RSRP1: variants seen among roughly 807,000 people sequenced by gnomAD.
RSRP1 encodes arginine and serine rich protein 1.
RSRP1 carries 37 observed loss-of-function variants against 33.0 expected under a neutral mutation model. That is an observed-to-expected ratio of 1.12 (90% CI 0.86 to 1.48). RSRP1 has a LOEUF of 1.48. RSRP1 is among the 40% of genes most tolerant of loss of function. The pLI is 0.00. For synonymous variants in RSRP1, 167 were observed against 158.7 expected (o/e 1.05, Z -0.40); for missense variants, 402 against 385.3 (o/e 1.04, Z -0.36).
intron 1 of RSRP1, chr1:25,272,591 T>G: frequency 6.3e-7 from 1 of 1,583,894 alleles, no homozygotes; most frequent in Non-Finnish European, 8.6e-7. Flanking sequence ...TGCCTGCCCC[T>G]CTGGGCCCTA....
At position 25,315,116 on chromosome 1, in the gene RSRP1, A is replaced by G. The variant is rs1644368830; in HGVS notation, c.-67+22862T>C. On this transcript the variant is annotated intron_variant, in intron 1 of 1. Transcript: ENST00000561867. Reference sequence around the variant, plus strand: ...CTACTCGGGAGGCTGAGATCACGCCACTGCACTCCAGCCTGGTGACACAGC... The same window carrying G: ...CTACTCGGGAGGCTGAGATCACGCCGCTGCACTCCAGCCTGGTGACACAGC... Among the ~76,000 whole-genome samples, 2 of 129,216 alleles carry G rather than the reference A, an allele frequency of 1.5e-5. 1 individual carries two copies. Among genetic ancestry groups the G allele is most frequent in the South Asian group, 4.8e-4 (2 of 4,182 alleles). The allele number at this position is 129,216 out of a possible 152,430, so 84.8% of individuals were successfully genotyped here. A position where few individuals can be genotyped will look rare whatever the true frequency, so the allele number is the denominator to read the frequency against.
chr1:25,270,656 A>C (rs914023209), intron 1 of RSRP1, among the ~76,000 whole-genome samples: 3 of 132,184 alleles, frequency 2.3e-5, no homozygotes, highest in African/African-American at 7.8e-5. Context: ...TTAAGTGGTC[A>C]AACACCCAGG....
Position 25,334,401 on chromosome 1 carries a change from G to A in RSRP1, c.-67+3577C>T, listed in dbSNP as rs571843248. ...AGCTCTGCCCCTGTACCTTTGCAGG[G>A]TACAGCCTCCCTCTCAGCTGCTTTC... On this transcript the variant is annotated intron_variant, in intron 1 of 1. Transcript: ENST00000561867. 3.5e-4 allele frequency among the ~76,000 whole-genome samples: 46 copies of A among 132,254 alleles called. 1 individual carries two copies. In the East Asian group the frequency reaches 8.6e-3, roughly 25 times the overall value. The allele number at this position is 132,254 out of a possible 152,430, so 86.8% of individuals were successfully genotyped here. A position where few individuals can be genotyped will look rare whatever the true frequency, so the allele number is the denominator to read the frequency against.
chr1:25,310,162 G>C lies in RSRP1; in HGVS notation c.-67+27816C>G, dbSNP rs1198708657. On this transcript the variant is annotated intron_variant, in intron 1 of 1. Coordinates refer to the RSRP1 transcript ENST00000561867. ...CTAACAGCATCAGTCAGTTTTGTCTGTTTTTGTACATTATATATGTGATGG... is the reference window on the plus strand; with the variant it reads ...CTAACAGCATCAGTCAGTTTTGTCTCTTTTTGTACATTATATATGTGATGG... 4.3e-4 allele frequency among the ~76,000 whole-genome samples: 57 copies of C among 132,720 alleles called. 7 individuals carry two copies. The highest frequency in any genetic ancestry group is 1.4e-3 in the African/African-American group (56 of 39,360). 87.1% of individuals were successfully genotyped at this position (132,720 alleles called of 152,430 possible). A position where few individuals can be genotyped will look rare whatever the true frequency, so the allele number is the denominator to read the frequency against.
intron 1 of RSRP1, chr1:25,336,515 A>T (rs1386200088): frequency 6.8e-6 from 1 of 147,328 alleles, no homozygotes; most frequent in Non-Finnish European, 1.5e-5. Context: ...TGACAAATTA[A>T]GCATGTATCT....
chr1:25,294,303 T>C, intron 1 of RSRP1: 1 of 1,248,964 alleles, frequency 8.0e-7, no homozygotes, highest in Non-Finnish European at 1.2e-6. Flanking sequence ...CCCATGAACA[T>C]AATCAGTAAC....
chr1:25,249,345 A>AT (rs903751311), upstream of RSRP1, among the ~76,000 whole-genome samples: 324 of 147,716 alleles, frequency 2.2e-3, 1 homozygote, highest in African/African-American at 6.6e-3. Context: ...AAAAATCCTA[A>AT]TTTTTTTTTT....
At chr1:25,259,091 CCTTT>C (rs1455899968) in intron 1 of RSRP1, among the ~76,000 whole-genome samples, 1 of 151,900 alleles carries the variant, frequency 6.6e-6, no homozygotes, top group East Asian at 1.9e-4. Flanking sequence ...ATTATTATTC[CCTTT>C]TTTTTTTCTT....
chr1:25,308,890 C>A (rs1160957580), intron 1 of RSRP1, among the ~76,000 whole-genome samples: 1 of 131,572 alleles, frequency 7.6e-6, no homozygotes, highest in Admixed American at 7.4e-5. Flanking sequence ...CTGAAACTCT[C>A]TAAATCTCAG....
At chr1:25,309,865 G>A (rs1305625062) in intron 1 of RSRP1, among the ~76,000 whole-genome samples, 1 of 133,362 alleles carries the variant, frequency 7.5e-6, no homozygotes, top group African/African-American at 2.5e-5. Context: ...CTGTTATCAT[G>A]GTGATGGATT....
rs779585806 is a variant in RSRP1 at position 25,306,732 on chromosome 1, G to A, written c.-67+31246C>T. The A allele has an allele frequency of 1.0e-5, 14 of 1,376,596 alleles. 2 individuals are homozygous for A. In the South Asian group the frequency reaches 1.7e-4, roughly 16 times the overall value. 85.3% of individuals were successfully genotyped at this position (1,376,596 alleles called of 1,614,324 possible). ...ACCGTCGGAGCCGGCAATGGCATGT[G>A]GGTCACTGGGCTTACCCCCCATCCC... On this transcript the variant is annotated intron_variant, in intron 1 of 1. Coordinates refer to the RSRP1 transcript ENST00000561867.
rs563523548 is a variant in RSRP1 at position 25,301,856 on chromosome 1, T to G, written c.-67+36122A>C. Among the ~76,000 whole-genome samples the G allele has an allele frequency of 2.5e-3, 330 of 131,834 alleles. 53 individuals are homozygous for G. Among genetic ancestry groups the G allele is most frequent in the African/African-American group, 3.5e-3 (134 of 38,336 alleles). 86.5% of individuals were successfully genotyped at this position (131,834 alleles called of 152,430 possible). A position where few individuals can be genotyped will look rare whatever the true frequency, so the allele number is the denominator to read the frequency against. On this transcript the variant is annotated intron_variant, in intron 1 of 1. Transcript: ENST00000561867. ...TAGGTAGAATGCTGGGTGGTCACAGTGGGCCTGGGACTCAGGAGACTGTCC... is the reference window on the plus strand; with the variant it reads ...TAGGTAGAATGCTGGGTGGTCACAGGGGGCCTGGGACTCAGGAGACTGTCC...
At chr1:25,316,649 A>T in intron 1 of RSRP1, among the ~76,000 whole-genome samples, 1 of 124,056 alleles carries the variant, frequency 8.1e-6, no homozygotes, top group Non-Finnish European at 1.9e-5. Flanking sequence ...GAGAGAGAGA[A>T]AACTGGAGGC....
In RSRP1 at chr1:25,271,569, T is replaced by C. The variant is rs373892330; in HGVS notation, c.-66-24540A>G. Among the ~76,000 whole-genome samples the C allele has an allele frequency of 2.3e-5, 3 of 132,618 alleles. 1 individual carries two copies. The highest frequency in any genetic ancestry group is 5.4e-5 in the Non-Finnish European group (3 of 55,820). 87.0% of individuals were successfully genotyped at this position (132,618 alleles called of 152,430 possible). On this transcript the variant is annotated intron_variant, in intron 1 of 1. Coordinates refer to the RSRP1 transcript ENST00000561867. Reference sequence around the variant, plus strand: ...TTCCTCTTTCATCTCTTCCTCCCTCTCTACATCCCTCTCTCTCTTCCTTCC... The same window carrying C: ...TTCCTCTTTCATCTCTTCCTCCCTCCCTACATCCCTCTCTCTCTTCCTTCC...
At chr1:25,292,210 G>A (rs113800484) in intron 1 of RSRP1, among the ~76,000 whole-genome samples, 6 of 132,714 alleles carry the variant, frequency 4.5e-5, no homozygotes, top group East Asian at 1.9e-4. Flanking sequence ...GTGCCTCAGT[G>A]TCCCAAAGGA....
At chr1:25,263,275 A>C (rs1266130047) in intron 1 of RSRP1, among the ~76,000 whole-genome samples, 4 of 152,022 alleles carry the variant, frequency 2.6e-5, no homozygotes, top group African/African-American at 9.7e-5. Context: ...CTAGAGCATG[A>C]AGATCTCGTA....
At chr1:25,301,251 CAT>C (rs201030739) in intron 1 of RSRP1, among the ~76,000 whole-genome samples, 1,732 of 131,300 alleles carry the variant, frequency 0.013, 273 homozygotes, top group African/African-American at 0.043. Context: ...TTGCTAAATT[CAT>C]ACCTTTGAAT....
At position 25,301,476 on chromosome 1, in the gene RSRP1, G is replaced by A. The variant is rs1372528098; in HGVS notation, c.-67+36502C>T. The A allele has an allele frequency of 3.0e-6, 4 of 1,352,160 alleles. 1 individual carries two copies. The highest frequency in any genetic ancestry group is 4.2e-6 in the Non-Finnish European group (4 of 955,806). The allele number at this position is 1,352,160 out of a possible 1,614,324, so 83.8% of individuals were successfully genotyped here. A position where few individuals can be genotyped will look rare whatever the true frequency, so the allele number is the denominator to read the frequency against. On this transcript the variant is annotated intron_variant, in intron 1 of 1. Transcript: ENST00000561867. ...AAACCCCTCGAGGCTCAGACCTTTG[G>A]AGCAGGAGTGTGATTCTGGCCAACC... is the stretch of plus-strand genomic sequence containing the variant.
rs1417377916 is a variant in RSRP1, at chr1:25,316,535, C to T, written c.-67+21443G>A. On this transcript the variant is annotated intron_variant, in intron 1 of 1. Transcript: ENST00000561867. ...CTTGAGGCACAAGAATCGCTTGAAC[C>T]TGGGGGACAGAGGTTGCAGTGAGCC... is the stretch of plus-strand genomic sequence containing the variant. Among the ~76,000 whole-genome samples the T allele has an allele frequency of 3.8e-5, 4 of 106,506 alleles. 1 individual carries two copies. Among genetic ancestry groups the T allele is most frequent in the Admixed American group, 9.2e-5 (1 of 10,890 alleles). The allele number at this position is 106,506 out of a possible 152,430, so 69.9% of individuals were successfully genotyped here.
Sources: gnomAD v4.1 joint callset for allele counts (sites outside exome capture counted in the v4.1 genomes callset) on GRCh38, gnomAD v4.1.1 for gene constraint, MANE v1.5 for transcripts, NCBI Gene and HGNC (gene_info 2026-07-23, HGNC 2026-07-21) for gene names.